MACROD2: variants seen among roughly 807,000 people sequenced by gnomAD.
MACROD2 encodes mono-ADP ribosylhydrolase 2.
A neutral mutation model predicts 70.4 loss-of-function variants in MACROD2; 36 were observed. The ratio of observed to expected loss-of-function variants is 0.51; its 90% CI spans 0.39 to 0.68. The LOEUF is 0.68. MACROD2 is among the 30% of genes least tolerant of loss of function. The pLI is 0.00. For missense variants in MACROD2, 496 were observed against 538.4 expected, an observed-to-expected ratio of 0.92 and a Z score of 0.78; for synonymous variants, 172 against 178.8, an observed-to-expected ratio of 0.96 and a Z score of 0.30.
chr20:14,560,458 G>A (rs1178896650), intron 4 of MACROD2, among the ~76,000 whole-genome samples: 2 of 151,792 alleles, frequency 1.3e-5, no homozygotes, highest in African/African-American at 4.8e-5. Context: ...CAAATCATAT[G>A]TGGTTGGATA....
chr20:14,349,814 CTTTTTTTT>C (rs538685508), intron 3 of MACROD2, among the ~76,000 whole-genome samples: 168 of 132,244 alleles, frequency 1.3e-3, no homozygotes, highest in African/African-American at 4.0e-3. Flanking sequence ...TTCTTTTTTT[CTTTTTTTT>C]TTTTTTTTGC....
At chr20:15,081,383 T>C (rs535706400) in intron 5 of MACROD2, among the ~76,000 whole-genome samples, 11 of 152,172 alleles carry the variant, frequency 7.2e-5, no homozygotes, top group Non-Finnish European at 1.5e-4. Flanking sequence ...AGAAAAAAGC[T>C]TGGCAGTTTC....
intron 7 of MACROD2, among the ~76,000 whole-genome samples, chr20:15,491,194 T>G (rs1006060780): frequency 1.3e-5 from 2 of 152,222 alleles, no homozygotes; most frequent in Non-Finnish European, 2.9e-5. Context: ...GTGCCTGGAC[T>G]AGATGACCTT....
intron 4 of MACROD2, chr20:14,567,058 A>G (rs982242096): frequency 6.6e-6 from 1 of 151,962 alleles, no homozygotes; most frequent in Non-Finnish European, 1.5e-5. Context: ...CCTGGGCTCC[A>G]GTGATCCTTT....
chr20:14,679,510 A>G (rs1476089614), intron 4 of MACROD2, among the ~76,000 whole-genome samples: 1 of 152,214 alleles, frequency 6.6e-6, no homozygotes, highest in Non-Finnish European at 1.5e-5. Flanking sequence ...AGTGTTTTAC[A>G]ATGTAAGATA....
chr20:15,391,617 G>A (rs534173977), intron 6 of MACROD2, among the ~76,000 whole-genome samples: 2 of 152,306 alleles, frequency 1.3e-5, no homozygotes, highest in South Asian at 2.1e-4. Context: ...CATTTATTGG[G>A]ATTTCTGGGA....
At chr20:15,767,009 G>A (rs147649198) in intron 8 of MACROD2, among the ~76,000 whole-genome samples, 1 of 152,310 alleles carries the variant, frequency 6.6e-6, no homozygotes, top group East Asian at 1.9e-4. Flanking sequence ...CCAATTACGT[G>A]TTCAAGCTCA....
chr20:14,816,932 G>A lies in MACROD2; in HGVS notation c.418+131973G>A, dbSNP rs558952843. 7.2e-5 allele frequency among the ~76,000 whole-genome samples: 11 copies of A among 151,812 alleles called. No individual in the cohort carries two copies. The East Asian group carries it at 7.7e-4, about 11-fold the overall frequency. ...GATACAAGAGTAGCTACATAGAATCGAAATAAAACTACTCACGTAAATAAA... is the reference window on the plus strand; with the variant it reads ...GATACAAGAGTAGCTACATAGAATCAAAATAAAACTACTCACGTAAATAAA... On this transcript the variant is annotated intron_variant, in intron 5 of 17. Transcript: ENST00000684519.
chr20:15,078,183 C>T (rs936962752), intron 5 of MACROD2, among the ~76,000 whole-genome samples: 1 of 151,986 alleles, frequency 6.6e-6, no homozygotes, highest in African/African-American at 2.4e-5. Flanking sequence ...AATCAGGGGA[C>T]TTGGAGTTTG....
chr20:14,909,716 A>G (rs886113380), intron 5 of MACROD2, among the ~76,000 whole-genome samples: 1 of 151,998 alleles, frequency 6.6e-6, no homozygotes, highest in Non-Finnish European at 1.5e-5. Flanking sequence ...TGATTCTCAG[A>G]CCTGCCACTG....
At chr20:14,803,746 G>T (rs1326494939) in intron 5 of MACROD2, among the ~76,000 whole-genome samples, 2 of 152,044 alleles carry the variant, frequency 1.3e-5, no homozygotes. Flanking sequence ...CTCCCAAAGT[G>T]CTGGGATTAC....
rs1405644125 is a variant in MACROD2, at chr20:14,363,795, C to T, written c.272-129684C>T. ...TCGCGCCACTGCACTCCAGCCTGGG[C>T]GACAGAGCCAGACTCTGTCTCAAAA... On this transcript the variant is annotated intron_variant, in intron 3 of 17. Coordinates refer to ENST00000684519, the MANE Select transcript of MACROD2 (RefSeq NM_001351661.2). 4.8e-5 allele frequency among the ~76,000 whole-genome samples: 6 copies of T among 126,146 alleles called. No homozygotes were observed. In the East Asian group the frequency reaches 1.3e-3, roughly 28 times the overall value. 82.8% of individuals were successfully genotyped at this position (126,146 alleles called of 152,430 possible). A position where few individuals can be genotyped will look rare whatever the true frequency, so the allele number is the denominator to read the frequency against.
chr20:14,321,866 A>T (rs991112075), intron 3 of MACROD2, among the ~76,000 whole-genome samples: 10 of 152,174 alleles, frequency 6.6e-5, no homozygotes, highest in Non-Finnish European at 1.5e-4. Context: ...AGCAAGAATA[A>T]GTGCAGTGAT....
At chr20:14,925,717 GT>G (rs1438812697) in intron 5 of MACROD2, among the ~76,000 whole-genome samples, 2 of 152,164 alleles carry the variant, frequency 1.3e-5, no homozygotes, top group Admixed American at 6.5e-5. Flanking sequence ...TCTCCACAGA[GT>G]ATGACAACAT....
In MACROD2 at chr20:15,967,558, G is replaced by A. The variant is rs1390376620; in HGVS notation, c.913G>A (p.Ala305Thr). ...TTTTGCTTGTTTGTTGTTAGATTTT[G>A]CAAAGGATGAAAATATTACAAAAGG... ...AVEDCKDEDF[A>T]KDENITKGGE... is the part of the protein sequence containing the mutation. Residue 305 changes from alanine to threonine, a missense_variant, in exon 13 of 18, where the codon GCA (alanine) becomes ACA (threonine). Transcript: ENST00000684519. The A allele has an allele frequency of 6.2e-7, 1 of 1,610,182 alleles. No homozygotes were observed. The highest frequency in any genetic ancestry group is 2.2e-5 in the East Asian group (1 of 44,662).
chr20:15,505,259 G>A (rs1469259434), intron 8 of MACROD2, among the ~76,000 whole-genome samples: 1 of 152,170 alleles, frequency 6.6e-6, no homozygotes, highest in Non-Finnish European at 1.5e-5. Context: ...ATAGCACCAT[G>A]TGTTCGTTTT....
chr20:14,012,185 G>T (rs2052919930), intron 2 of MACROD2, among the ~76,000 whole-genome samples: 1 of 152,164 alleles, frequency 6.6e-6, no homozygotes, highest in Admixed American at 6.5e-5. Flanking sequence ...GGGATTACAG[G>T]TGTGAGCCAC....
At chr20:15,990,361 G>A in intron 15 of MACROD2, among the ~76,000 whole-genome samples, 1 of 151,956 alleles carries the variant, frequency 6.6e-6, no homozygotes, top group East Asian at 1.9e-4. Context: ...TTGTTATTTG[G>A]GCAAATTTAG....
chr20:14,236,955 T>C (rs1483469575), intron 3 of MACROD2, among the ~76,000 whole-genome samples: 1 of 152,190 alleles, frequency 6.6e-6, no homozygotes. Context: ...TTTTAATGAG[T>C]GTAACAAACT....
Sources: allele counts gnomAD v4.1 joint callset (sites outside exome capture counted in the v4.1 genomes callset), GRCh38; gene constraint gnomAD v4.1.1; transcripts MANE v1.5; gene names NCBI Gene and HGNC (gene_info 2026-07-23, HGNC 2026-07-21).